The following MBNL2 variants were observed in gnomAD, a reference collection of about 807,000 sequenced individuals.
MBNL2 encodes muscleblind like splicing regulator 2.
MBNL2 carries 17 observed loss-of-function variants against 41.9 expected under a neutral mutation model. The observed-to-expected ratio is 0.41, with a 90% CI of 0.28 to 0.61. The LOEUF (loss-of-function observed/expected upper bound fraction) is 0.61. MBNL2 is among the 20% of genes least tolerant of loss of function. The probability of loss-of-function intolerance (pLI) is 0.35; values close to 1 mark genes in which losing one functional copy is unlikely to be tolerated. For synonymous variants in MBNL2, 195 were observed against 182.9 expected, an observed-to-expected ratio of 1.07 and a Z score of -0.53; for missense variants, 336 against 505.6, an observed-to-expected ratio of 0.66 and a Z score of 3.22.
intron 2 of MBNL2, among the ~76,000 whole-genome samples, chr13:97,331,640 G>A (rs1181457926): frequency 1.3e-5 from 2 of 152,030 alleles, no homozygotes; most frequent in East Asian, 1.9e-4. Context: ...TATGGCCTTG[G>A]GAAAGTTTCT....
the MBNL2 span, among the ~76,000 whole-genome samples, chr13:97,150,072 C>G: frequency 6.6e-6 from 1 of 152,202 alleles, no homozygotes; most frequent in Non-Finnish European, 1.5e-5. Context: ...AAATTGTTGC[C>G]AATCTCGTAA....
At chr13:97,291,837 G>C (rs1392266822) in intron 2 of MBNL2, among the ~76,000 whole-genome samples, 1 of 144,390 alleles carries the variant, frequency 6.9e-6, no homozygotes, top group East Asian at 2.1e-4. Context: ...GGAGGTTGCA[G>C]TGAGCTGAGA....
At chr13:97,180,114 G>T in the MBNL2 span, among the ~76,000 whole-genome samples, 1 of 152,154 alleles carries the variant, frequency 6.6e-6, no homozygotes, top group African/African-American at 2.4e-5. Context: ...TGAAGATGGA[G>T]AGATGCAATT....
At chr13:97,289,003 A>C (rs898526781) in intron 2 of MBNL2, among the ~76,000 whole-genome samples, 1 of 152,226 alleles carries the variant, frequency 6.6e-6, no homozygotes, top group Admixed American at 6.5e-5. Flanking sequence ...GGGGAAGGAG[A>C]AAAAGAAAAT....
chr13:97,205,064 G>A, the MBNL2 span, among the ~76,000 whole-genome samples: 5 of 151,504 alleles, frequency 3.3e-5, no homozygotes, highest in East Asian at 1.9e-4. Flanking sequence ...CCAACTACTC[G>A]GGAGGCTGAG....
chr13:97,185,597 G>A, the MBNL2 span, among the ~76,000 whole-genome samples: 8 of 152,192 alleles, frequency 5.3e-5, no homozygotes, highest in African/African-American at 1.9e-4. Flanking sequence ...TGAGGTTGGA[G>A]TGAGAGGCTT....
intron 2 of MBNL2, among the ~76,000 whole-genome samples, chr13:97,311,221 T>G (rs2058583296): frequency 6.6e-6 from 1 of 152,192 alleles, no homozygotes; most frequent in African/African-American, 2.4e-5. Context: ...TGTGGTGCAC[T>G]CATTCAAGCA....
At chr13:97,278,659 A>G (rs1243623389) in intron 2 of MBNL2, among the ~76,000 whole-genome samples, 4 of 152,204 alleles carry the variant, frequency 2.6e-5, no homozygotes, top group Non-Finnish European at 5.9e-5. Flanking sequence ...AGAATGTTGA[A>G]CAGCATTCAA....
chr13:97,191,006 C>CT, the MBNL2 span, among the ~76,000 whole-genome samples: 1 of 150,490 alleles, frequency 6.6e-6, no homozygotes, highest in Admixed American at 6.6e-5. Context: ...TCAAATGAAA[C>CT]TAAAAAAAAA....
chr13:97,272,059 C>T (rs1267387913), intron 1 of MBNL2, among the ~76,000 whole-genome samples: 2 of 152,164 alleles, frequency 1.3e-5, no homozygotes, highest in Non-Finnish European at 2.9e-5. Context: ...AAAAGCATTC[C>T]TATTTCTCCA....
At chr13:97,243,211 A>G (rs934802319) in intron 1 of MBNL2, among the ~76,000 whole-genome samples, 3 of 152,204 alleles carry the variant, frequency 2.0e-5, no homozygotes, top group African/African-American at 7.2e-5. Flanking sequence ...GTTTAGGTAG[A>G]TGCATTTTCA....
At chr13:97,273,569 C>A (rs1170021120) in intron 1 of MBNL2, among the ~76,000 whole-genome samples, 1 of 152,176 alleles carries the variant, frequency 6.6e-6, no homozygotes, top group African/African-American at 2.4e-5. Flanking sequence ...AGATTGCCAA[C>A]TTCCTTAAAT....
chr13:97,174,435 A>C, the MBNL2 span, among the ~76,000 whole-genome samples: 1 of 152,226 alleles, frequency 6.6e-6, no homozygotes, highest in South Asian at 2.1e-4. Context: ...GACAAAGAAA[A>C]CCAGAAACAA....
chr13:97,142,591 G>T, the MBNL2 span, among the ~76,000 whole-genome samples: 4 of 152,342 alleles, frequency 2.6e-5, no homozygotes, highest in Non-Finnish European at 4.4e-5. Context: ...AGGAGGCTTG[G>T]AAGAGTCTAT....
intron 3 of MBNL2, among the ~76,000 whole-genome samples, chr13:97,335,299 T>A (rs529757565): frequency 4.0e-4 from 60 of 150,380 alleles, no homozygotes; most frequent in Middle Eastern, 6.9e-3. Flanking sequence ...TTTTTTTTTT[T>A]AAAGAAAGGC....
Position 97,346,794 on chromosome 13 carries a change from C to G in MBNL2, c.541-10C>G. ...TGCCTCTGCAGCGCGGCTCTTCTTC[C>G]CTGTCTTAGGTATGCAGGGAGTTCC... is the stretch of plus-strand genomic sequence containing the variant. On this transcript the variant is annotated splice_polypyrimidine_tract_variant and intron_variant, in intron 4 of 8. Transcript: ENST00000679496. The surrounding 1 kb of genome is among the most constrained non-coding windows in gnomAD (Gnocchi z 4.2). 1 of 1,612,848 alleles carries G rather than the reference C, an allele frequency of 6.2e-7. No homozygotes were observed. The highest frequency in any genetic ancestry group is 1.1e-5 in the South Asian group (1 of 90,972).
At chr13:97,323,588 C>T (rs956425431) in intron 2 of MBNL2, among the ~76,000 whole-genome samples, 2 of 152,044 alleles carry the variant, frequency 1.3e-5, no homozygotes, top group African/African-American at 4.8e-5. Flanking sequence ...AATACTAGGC[C>T]GTTGTATATC....
chr13:97,208,392 A>G, the MBNL2 span, among the ~76,000 whole-genome samples: 1 of 152,214 alleles, frequency 6.6e-6, no homozygotes, highest in Non-Finnish European at 1.5e-5. Flanking sequence ...GCAGGGGACA[A>G]CATACCTCTG....
the MBNL2 span, among the ~76,000 whole-genome samples, chr13:97,153,807 T>C: frequency 1.3e-5 from 2 of 152,168 alleles, no homozygotes; most frequent in Admixed American, 6.6e-5. Flanking sequence ...CATGTCTACT[T>C]TACCAAGAGA....
Sources: gnomAD v4.1 joint callset for allele counts (sites outside exome capture counted in the v4.1 genomes callset) on GRCh38, gnomAD v4.1.1 for gene constraint, Gnocchi (gnomAD v3.1) non-coding constraint, MANE v1.5 for transcripts, NCBI Gene and HGNC (gene_info 2026-07-23, HGNC 2026-07-21) for gene names.